The following ANKLE2 variants were observed in gnomAD, a reference collection of about 807,000 sequenced individuals.
The protein encoded by ANKLE2 is ankyrin repeat and LEM domain containing 2.
In ANKLE2, 55 loss-of-function variants were observed where a neutral mutation model predicts 84.2. That is an observed-to-expected ratio of 0.65 (90% CI 0.53 to 0.82). ANKLE2 has a LOEUF of 0.82. Among genes scored for constraint, ANKLE2 ranks in the 40% least tolerant of loss-of-function variants. ANKLE2 has a pLI of 0.00. For synonymous variants in ANKLE2, 551 were observed against 486.1 expected (o/e 1.13, Z -1.76); for missense variants, 1,238 against 1,201.9 (o/e 1.03, Z -0.44).
At position 132,743,456 on chromosome 12, in the gene ANKLE2, C is replaced by T. The variant is rs1430551351; in HGVS notation, c.1231-180G>A. On this transcript the variant is annotated intron_variant, in intron 5 of 12. Coordinates refer to ENST00000357997, the MANE Select transcript of ANKLE2 (RefSeq NM_015114.3). The surrounding 1 kb of genome is among the most constrained non-coding windows in gnomAD (Gnocchi z 4.1). Reference sequence around the variant, plus strand: ...CCGGGTTTAACCGATTCTCCTGCCTCAGGCTCCCCAGTACCTGGGACTACA... The same window carrying T: ...CCGGGTTTAACCGATTCTCCTGCCTTAGGCTCCCCAGTACCTGGGACTACA... 6.6e-6 allele frequency among the ~76,000 whole-genome samples: 1 copy of T among 151,868 alleles called. No individual in the cohort carries two copies. The highest frequency in any genetic ancestry group is 1.5e-5 in the Non-Finnish European group (1 of 68,006).
intron 10 of ANKLE2, among the ~76,000 whole-genome samples, chr12:132,732,448 G>A (rs2043886709): frequency 6.8e-6 from 1 of 146,384 alleles, no homozygotes; most frequent in Non-Finnish European, 1.5e-5. Flanking sequence ...TATGCACCGT[G>A]TGAAGCTCTC....
intron 6 of ANKLE2, chr12:132,742,628 G>C (rs61951281): frequency 0.29 from 44,109 of 151,654 alleles, 7,537 homozygotes; most frequent in Non-Finnish European, 0.39. Flanking sequence ...GTATGTGTGA[G>C]AAGCTTAGCA....
At chr12:132,737,879 T>G (rs1029111405) in intron 7 of ANKLE2, 6 of 152,240 alleles carry the variant, frequency 3.9e-5, no homozygotes, top group African/African-American at 1.2e-4. Flanking sequence ...CCTCAGCCTC[T>G]TGAGTAGCTG....
At position 132,750,783 on chromosome 12, in the gene ANKLE2, C is replaced by T. The variant is rs1483776717; in HGVS notation, c.707G>A (p.Arg236Gln). 13 of 1,614,194 alleles carry T rather than the reference C, an allele frequency of 8.1e-6. No homozygotes were observed. The highest frequency in any genetic ancestry group is 2.2e-5 in the East Asian group (1 of 44,890). The change falls in exon 3 of 13, where the codon CGA becomes CAA. Residue 236 changes from arginine (R) to glutamine (Q), a missense_variant. Physicochemically the swap from Arg to Gln is conservative, Grantham distance 43. Transcript: ENST00000357997. Reference sequence around the variant, plus strand: ...TTCTCTGGTAGAAAAAGCTTTAAATCGGGACCCTTTGATCATCTTGACAGC... The same window carrying T: ...TTCTCTGGTAGAAAAAGCTTTAAATTGGGACCCTTTGATCATCTTGACAGC... Reference protein sequence around the residue: ...LQAVKMIKGSRFKAFSTREDA... With the variant: ...LQAVKMIKGSQFKAFSTREDA...
intron 7 of ANKLE2, among the ~76,000 whole-genome samples, chr12:132,739,535 T>C (rs1038911053): frequency 6.6e-6 from 1 of 152,348 alleles, no homozygotes; most frequent in East Asian, 1.9e-4. Flanking sequence ...ACCTACACTT[T>C]ACTCATAAAA....
At chr12:132,737,725 A>T (rs1593152881) in intron 7 of ANKLE2, 1 of 152,250 alleles carries the variant, frequency 6.6e-6, no homozygotes, top group East Asian at 1.9e-4. Flanking sequence ...AAAAAAACAA[A>T]AAAAAGTAAT....
chr12:132,752,737 G>A (rs1793494334), intron 2 of ANKLE2, among the ~76,000 whole-genome samples: 1 of 152,124 alleles, frequency 6.6e-6, no homozygotes, highest in African/African-American at 2.4e-5. Flanking sequence ...AACCAATTAT[G>A]TACTCATAGG....
At chr12:132,752,636 T>C (rs2044380794) in intron 2 of ANKLE2, among the ~76,000 whole-genome samples, 1 of 152,130 alleles carries the variant, frequency 6.6e-6, no homozygotes, top group African/African-American at 2.4e-5. Flanking sequence ...CCCAAAGTGC[T>C]GGGATTACAG....
rs199736786 is a variant in ANKLE2, at chr12:132,732,279, G to A, written c.1892-2009C>T. ...CACCGTGTGAAGCGCTCTGCATCCTGGTGTCTGATACGCACCGTGTGAAGC... is the reference window on the plus strand; with the variant it reads ...CACCGTGTGAAGCGCTCTGCATCCTAGTGTCTGATACGCACCGTGTGAAGC... On this transcript the variant is annotated intron_variant, in intron 10 of 12. Transcript: ENST00000357997. 22 of 129,508 alleles carry A rather than the reference G, an allele frequency of 1.7e-4. No individual in the cohort carries two copies. The East Asian group carries it at 4.7e-3, about 28-fold the overall frequency. The allele number at this position is 129,508 out of a possible 1,614,324, so 8.0% of individuals were successfully genotyped here.
chr12:132,732,032 C>T (rs1483202986), intron 10 of ANKLE2: 1 of 149,638 alleles, frequency 6.7e-6, no homozygotes, highest in Non-Finnish European at 1.5e-5. Context: ...CCGTGTGAAG[C>T]TCTCTGCATG....
At chr12:132,731,313 A>T (rs1350684121) in intron 10 of ANKLE2, 1 of 152,260 alleles carries the variant, frequency 6.6e-6, no homozygotes, top group African/African-American at 2.4e-5. Context: ...GACTTCAATG[A>T]TTCCTGTATA....
intron 2 of ANKLE2, among the ~76,000 whole-genome samples, chr12:132,752,295 G>A (rs895289287): frequency 1.3e-5 from 2 of 152,242 alleles, no homozygotes; most frequent in Middle Eastern, 3.4e-3. Flanking sequence ...AGCCAAGATC[G>A]CACCACTGCA....
At chr12:132,760,801 G>C (rs2044609400) in intron 1 of ANKLE2, 1 of 152,210 alleles carries the variant, frequency 6.6e-6, no homozygotes, top group Non-Finnish European at 1.5e-5. Flanking sequence ...ATCAGCCACT[G>C]GTGATCAACG....
chr12:132,746,124 C>T (rs1032454079), intron 5 of ANKLE2, among the ~76,000 whole-genome samples: 3 of 151,652 alleles, frequency 2.0e-5, no homozygotes, highest in East Asian at 1.9e-4. Context: ...CAAGGCGGGC[C>T]GATCACGAGG....
intron 1 of ANKLE2, chr12:132,760,146 A>G (rs1183650801): frequency 6.6e-6 from 1 of 151,780 alleles, no homozygotes; most frequent in African/African-American, 2.4e-5. Context: ...AAAAAAAAAA[A>G]AAAAAAAGTG....
At chr12:132,740,218 C>T (rs1162661364) in intron 7 of ANKLE2, among the ~76,000 whole-genome samples, 2 of 152,184 alleles carry the variant, frequency 1.3e-5, no homozygotes, top group Non-Finnish European at 1.5e-5. Context: ...GAACTCTCGC[C>T]GCTAACAGCA....
rs202127818 is a variant in ANKLE2, at chr12:132,748,105, G to A, written c.1041+33C>T. On this transcript the variant is annotated intron_variant, in intron 4 of 12. Transcript: ENST00000357997. ...GTGCTGCGATGGAACGGCCGGGACC[G>A]CACACCTGCCCGAGGGAACCGCCGA... 515 of 1,608,058 alleles carry A rather than the reference G, an allele frequency of 3.2e-4. 5 individuals are homozygous for A. The highest frequency in any genetic ancestry group is 3.3e-4 in the Middle Eastern group (2 of 6,038).
At chr12:132,734,054 G>A (rs181838186) in intron 10 of ANKLE2, 17 of 467,232 alleles carry the variant, frequency 3.6e-5, no homozygotes, top group Admixed American at 1.7e-4. Flanking sequence ...TGGTCAATAC[G>A]GTGAAACCGC....
intron 1 of ANKLE2, chr12:132,758,147 T>G (rs1229617560): frequency 1.3e-5 from 2 of 152,224 alleles, no homozygotes; most frequent in African/African-American, 4.8e-5. Context: ...CGGTGGCTCA[T>G]GCTGGTAATC....
Sources: gnomAD v4.1 joint callset for allele counts (sites outside exome capture counted in the v4.1 genomes callset) on GRCh38, gnomAD v4.1.1 for gene constraint, Gnocchi (gnomAD v3.1) non-coding constraint, MANE v1.5 for transcripts, NCBI Gene and HGNC (gene_info 2026-07-23, HGNC 2026-07-21) for gene names.